The following EYA2 variants were observed in gnomAD, a reference collection of about 807,000 sequenced individuals.
EYA2 encodes protein phosphatase EYA2.
A neutral mutation model predicts 69.2 loss-of-function variants in EYA2; 31 were observed. The observed-to-expected ratio is 0.45, with a 90% CI of 0.34 to 0.60. The LOEUF is 0.60. Among genes scored for constraint, EYA2 ranks in the 20% least tolerant of loss-of-function variants. The pLI, the probability that EYA2 is intolerant of heterozygous loss-of-function variation, is 0.02. For missense variants in EYA2, 622 were observed against 701.2 expected, an observed-to-expected ratio of 0.89 and a Z score of 1.28; for synonymous variants, 257 against 279.4, an observed-to-expected ratio of 0.92 and a Z score of 0.80.
intron 1 of EYA2, among the ~76,000 whole-genome samples, chr20:46,952,770 G>A (rs766016131): frequency 1.3e-5 from 2 of 151,806 alleles, no homozygotes; most frequent in African/African-American, 2.4e-5. Flanking sequence ...GGTTGCCCAC[G>A]CTTGCTGAAA....
intron 9 of EYA2, among the ~76,000 whole-genome samples, chr20:47,101,265 T>C (rs2032415267): frequency 6.6e-6 from 1 of 152,094 alleles, no homozygotes; most frequent in Admixed American, 6.6e-5. Context: ...TTAAAAGTTT[T>C]TTGTAGAGAT....
chr20:47,063,392 C>CGTGT lies in EYA2; in HGVS notation c.416-8758_416-8755dup, dbSNP rs35187186. Among the ~76,000 whole-genome samples, 946 of 143,474 alleles carry CGTGT rather than the reference C, an allele frequency of 6.6e-3. 5 individuals carry two copies. The highest frequency in any genetic ancestry group is 0.038 in the Middle Eastern group (11 of 286). 94.1% of individuals were successfully genotyped at this position (143,474 alleles called of 152,430 possible). ...GTTTATTTGTGTGTGTGTGCGTGTG[C>CGTGT]GTGTGTGTGTGTGTGTGTGTGTGTG... is the stretch of plus-strand genomic sequence containing the variant. On this transcript the variant is annotated intron_variant, in intron 5 of 15. Coordinates refer to ENST00000327619, the MANE Select transcript of EYA2 (RefSeq NM_005244.5).
In EYA2 at chr20:46,986,434, A is replaced by AAATCTATATAATATCTATATATATAAT. The variant is rs1555809596; in HGVS notation, c.-10-3566_-10-3565insATCTATATAATATCTATATATATAATA. Among the ~76,000 whole-genome samples, 14 of 145,998 alleles carry AAATCTATATAATATCTATATATATAAT rather than the reference A, an allele frequency of 9.6e-5. No individual in the cohort carries two copies. In the South Asian group the frequency reaches 1.3e-3, roughly 13 times the overall value. ...TATAATATCTATATATATAATATATAATATATCTAATGTGTATATATATAC... is the reference window on the plus strand; with the variant it reads ...TATAATATCTATATATATAATATATAAATCTATATAATATCTATATATATAATATATATCTAATGTGTATATATATAC... On this transcript the variant is annotated intron_variant, in intron 1 of 15. Coordinates refer to ENST00000327619, the MANE Select transcript of EYA2 (RefSeq NM_005244.5).
intron 1 of EYA2, among the ~76,000 whole-genome samples, chr20:46,987,385 A>G (rs1462355391): frequency 6.6e-6 from 1 of 152,226 alleles, no homozygotes; most frequent in East Asian, 1.9e-4. Flanking sequence ...ACACAAAAAC[A>G]GCTGTGGGCT....
At position 47,156,891 on chromosome 20, in the gene EYA2, T is replaced by C. The variant is rs965730208; in HGVS notation, c.979-12248T>C. Among the ~76,000 whole-genome samples, 4 of 151,932 alleles carry C rather than the reference T, an allele frequency of 2.6e-5. No individual in the cohort carries two copies. The South Asian group carries it at 6.3e-4, about 24-fold the overall frequency. ...TGAGCATCATTTTTCTAACGCAAAT[T>C]TGTCAACAATTTCTGCATTCATGTC... On this transcript the variant is annotated intron_variant, in intron 10 of 15. Coordinates refer to ENST00000327619, the MANE Select transcript of EYA2 (RefSeq NM_005244.5).
intron 9 of EYA2, among the ~76,000 whole-genome samples, chr20:47,142,050 G>A (rs1369298174): frequency 2.6e-5 from 4 of 152,180 alleles, no homozygotes; most frequent in Non-Finnish European, 1.5e-5. Context: ...TGAACAGGGA[G>A]GGTATGTGTC....
intron 8 of EYA2, among the ~76,000 whole-genome samples, chr20:47,093,485 G>A (rs886434932): frequency 6.6e-6 from 1 of 152,248 alleles, no homozygotes; most frequent in Non-Finnish European, 1.5e-5. Flanking sequence ...CTTCAGCTCT[G>A]CGGCTCCTGC....
Position 47,112,862 on chromosome 20 carries a change from C to CTTTTTTTTTTTTTTTTTTTTTTTT in EYA2, c.888+15698_888+15721dup, listed in dbSNP as rs11473217. 3.6e-5 allele frequency among the ~76,000 whole-genome samples: 2 copies of CTTTTTTTTTTTTTTTTTTTTTTTT among 55,808 alleles called. 1 individual carries two copies. The highest frequency in any genetic ancestry group is 7.1e-5 in the Non-Finnish European group (2 of 28,314). 36.6% of individuals were successfully genotyped at this position (55,808 alleles called of 152,430 possible). On this transcript the variant is annotated intron_variant, in intron 9 of 15. Coordinates refer to ENST00000327619, the MANE Select transcript of EYA2 (RefSeq NM_005244.5). ...CAAAAGTTAGATTTCATGTTCACTC[C>CTTTTTTTTTTTTTTTTTTTTTTTT]TTTTTTTTTTTTTTTTTTTTTTTTT... is the stretch of plus-strand genomic sequence containing the variant.
At chr20:47,168,559 T>C (rs144569395) in intron 10 of EYA2, among the ~76,000 whole-genome samples, 19 of 151,776 alleles carry the variant, frequency 1.3e-4, no homozygotes, top group Middle Eastern at 3.4e-3. Context: ...CAGCATGGCA[T>C]TGGAGTTTGT....
intron 2 of EYA2, among the ~76,000 whole-genome samples, chr20:46,996,574 T>G (rs980222867): frequency 6.6e-6 from 1 of 152,152 alleles, no homozygotes; most frequent in Non-Finnish European, 1.5e-5. Flanking sequence ...TAATTGCAGT[T>G]AAGTACTCAT....
intron 9 of EYA2, among the ~76,000 whole-genome samples, chr20:47,122,256 T>C (rs1439329724): frequency 6.6e-6 from 1 of 151,634 alleles, no homozygotes; most frequent in Non-Finnish European, 1.5e-5. Flanking sequence ...TTTGTCACTC[T>C]CTGAAATGAA....
intron 1 of EYA2, among the ~76,000 whole-genome samples, chr20:46,940,660 T>C (rs1339393465): frequency 1.3e-5 from 2 of 152,140 alleles, no homozygotes; most frequent in Non-Finnish European, 2.9e-5. Context: ...GGTTAAATGT[T>C]CTGTTCTGTG....
intron 5 of EYA2, among the ~76,000 whole-genome samples, chr20:47,055,516 C>T (rs2030566184): frequency 6.6e-6 from 1 of 152,128 alleles, no homozygotes; most frequent in Non-Finnish European, 1.5e-5. Context: ...TGCCTTGCTG[C>T]GACCGCCTTA....
intron 5 of EYA2, among the ~76,000 whole-genome samples, chr20:47,067,270 C>G (rs531500785): frequency 6.6e-6 from 1 of 152,224 alleles, no homozygotes; most frequent in South Asian, 2.1e-4. Context: ...GCTTCCTAAG[C>G]TTTTGCAAGT....
intron 3 of EYA2, among the ~76,000 whole-genome samples, chr20:47,004,494 A>ACG: frequency 9.0e-6 from 1 of 110,888 alleles, no homozygotes; most frequent in Non-Finnish European, 2.1e-5. Context: ...TGTTTCTTAC[A>ACG]TAAAGTCCAG....
At chr20:47,094,081 G>C (rs1250900312) in intron 8 of EYA2, among the ~76,000 whole-genome samples, 4 of 152,210 alleles carry the variant, frequency 2.6e-5, no homozygotes, top group Non-Finnish European at 5.9e-5. Context: ...CTAGGGAATA[G>C]GGTCACCTGC....
intron 9 of EYA2, among the ~76,000 whole-genome samples, chr20:47,129,967 C>G (rs75191003): frequency 0.011 from 1,659 of 152,096 alleles, 27 homozygotes; most frequent in African/African-American, 0.038. Flanking sequence ...CTAGAGCCCT[C>G]AGGTCAGGGG....
At chr20:47,147,197 C>T (rs59147952) in intron 10 of EYA2, among the ~76,000 whole-genome samples, 2,573 of 151,944 alleles carry the variant, frequency 0.017, 78 homozygotes, top group African/African-American at 0.059. Flanking sequence ...TACAGGCACA[C>T]GCCACCATGT....
chr20:47,026,334 G>A lies in EYA2; in HGVS notation c.415+10037G>A, dbSNP rs1259163977. Among the ~76,000 whole-genome samples, 3 of 152,176 alleles carry A rather than the reference G, an allele frequency of 2.0e-5. No homozygotes were observed. In the East Asian group the frequency reaches 5.8e-4, roughly 29 times the overall value. ...CATAAAAATACTAGAACGAGAATAA[G>A]CACAATTTTTTATAACCTTGGAGTG... is the stretch of plus-strand genomic sequence containing the variant. On this transcript the variant is annotated intron_variant, in intron 5 of 15. Transcript: ENST00000327619.
Sources: gnomAD v4.1 joint callset for allele counts (sites outside exome capture counted in the v4.1 genomes callset) on GRCh38, gnomAD v4.1.1 for gene constraint, MANE v1.5 for transcripts, NCBI Gene and HGNC (gene_info 2026-07-23, HGNC 2026-07-21) for gene names.